ANKS1B: variants seen among roughly 807,000 people sequenced by gnomAD.
ANKS1B encodes ankyrin repeat and sterile alpha motif domain-containing protein 1B.
ANKS1B carries 36 observed loss-of-function variants against 148.3 expected under a neutral mutation model. The observed-to-expected ratio is 0.24, with a 90% CI of 0.19 to 0.32. The LOEUF is 0.32. Ranked by LOEUF, ANKS1B falls within the 10% of genes least tolerant of loss-of-function variation. The pLI is 1.00. For missense variants in ANKS1B, 1,157 were observed against 1,542.6 expected, an observed-to-expected ratio of 0.75 and a Z score of 4.19; for synonymous variants, 542 against 560.8, an observed-to-expected ratio of 0.97 and a Z score of 0.47.
intron 10 of ANKS1B, among the ~76,000 whole-genome samples, chr12:99,474,635 A>T (rs1290099991): frequency 6.6e-6 from 1 of 152,088 alleles, no homozygotes; most frequent in Non-Finnish European, 1.5e-5. Flanking sequence ...AAATATTAAA[A>T]TATATAAGGT....
intron 17 of ANKS1B, among the ~76,000 whole-genome samples, chr12:98,834,883 G>T (rs962468901): frequency 6.6e-6 from 1 of 151,972 alleles, no homozygotes; most frequent in East Asian, 1.9e-4. Context: ...CCTTTTCAAA[G>T]GTATTTTGCA....
intron 15 of ANKS1B, among the ~76,000 whole-genome samples, chr12:99,125,063 A>G (rs576767479): frequency 6.6e-6 from 1 of 152,262 alleles, no homozygotes; most frequent in African/African-American, 2.4e-5. Flanking sequence ...ACTGGGGGTA[A>G]TGTAGGGTAA....
At chr12:99,026,990 T>C (rs1227038660) in intron 17 of ANKS1B, among the ~76,000 whole-genome samples, 5 of 152,180 alleles carry the variant, frequency 3.3e-5, no homozygotes, top group African/African-American at 4.8e-5. Flanking sequence ...AAAGTCCTTT[T>C]TGTAATGTGA....
chr12:99,623,630 T>C (rs572554570), intron 9 of ANKS1B, among the ~76,000 whole-genome samples: 6 of 151,920 alleles, frequency 3.9e-5, no homozygotes, highest in Non-Finnish European at 8.9e-5. Context: ...CTGAGAGCCA[T>C]ATCAAGAATG....
intron 9 of ANKS1B, among the ~76,000 whole-genome samples, chr12:99,637,572 A>T (rs918865582): frequency 6.6e-6 from 1 of 152,140 alleles, no homozygotes; most frequent in Admixed American, 6.5e-5. Flanking sequence ...CTGCCAGTGC[A>T]GCTAGGATAA....
chr12:99,647,044 A>C (rs139422630), intron 9 of ANKS1B, among the ~76,000 whole-genome samples: 1 of 152,152 alleles, frequency 6.6e-6, no homozygotes, highest in African/African-American at 2.4e-5. Flanking sequence ...AACAGAAATA[A>C]ATTTCCTAAT....
At chr12:99,636,634 G>T (rs1301165132) in intron 9 of ANKS1B, among the ~76,000 whole-genome samples, 1 of 152,074 alleles carries the variant, frequency 6.6e-6, no homozygotes, top group Admixed American at 6.5e-5. Context: ...AATATGAAAA[G>T]GACACTTGTT....
chr12:99,132,072 C>T (rs927398376), intron 15 of ANKS1B, among the ~76,000 whole-genome samples: 1 of 152,210 alleles, frequency 6.6e-6, no homozygotes, highest in Non-Finnish European at 1.5e-5. Flanking sequence ...CAAGACTCCC[C>T]CTCCTTCCAG....
chr12:98,899,463 G>T (rs142696848), intron 17 of ANKS1B, among the ~76,000 whole-genome samples: 2,830 of 152,262 alleles, frequency 0.019, 69 homozygotes, highest in Admixed American at 0.077. Context: ...TTTTGTAGAT[G>T]CAATTAAAGT....
chr12:99,038,424 C>T (rs566457552), intron 17 of ANKS1B, among the ~76,000 whole-genome samples: 1 of 152,254 alleles, frequency 6.6e-6, no homozygotes. Flanking sequence ...TTCACCACAC[C>T]ACTTTAGTAC....
intron 14 of ANKS1B, among the ~76,000 whole-genome samples, chr12:99,179,546 T>C (rs2078866486): frequency 6.6e-6 from 1 of 152,172 alleles, no homozygotes; most frequent in Non-Finnish European, 1.5e-5. Flanking sequence ...TGCATTCTCT[T>C]TCCTGCCATC....
chr12:99,795,801 C>A (rs939198200), intron 4 of ANKS1B, among the ~76,000 whole-genome samples: 61 of 152,096 alleles, frequency 4.0e-4, no homozygotes, highest in Non-Finnish European at 5.4e-4. Flanking sequence ...TCATGTCTTC[C>A]ATCCACAAAT....
chr12:98,969,699 A>T (rs1180158540), intron 17 of ANKS1B, among the ~76,000 whole-genome samples: 1 of 152,178 alleles, frequency 6.6e-6, no homozygotes, highest in Non-Finnish European at 1.5e-5. Context: ...GCTGTAAATT[A>T]GCTGCTAATT....
chr12:99,515,236 C>T (rs1197149194), intron 9 of ANKS1B, among the ~76,000 whole-genome samples: 1 of 151,938 alleles, frequency 6.6e-6, no homozygotes, highest in East Asian at 1.9e-4. Flanking sequence ...CTATAGCGCC[C>T]CTGTTGTGAT....
rs530751877 is a variant in ANKS1B, at chr12:99,835,435, TA to T, written c.135-10047del. 8.2e-3 allele frequency among the ~76,000 whole-genome samples: 1,104 copies of T among 134,476 alleles called. 11 individuals carry two copies. The highest frequency in any genetic ancestry group is 0.029 in the African/African-American group (1,040 of 36,454). The allele number at this position is 134,476 out of a possible 152,430, so 88.2% of individuals were successfully genotyped here. On this transcript the variant is annotated intron_variant, in intron 1 of 26. Coordinates refer to ENST00000683438, the MANE Select transcript of ANKS1B (RefSeq NM_001352186.2). ...CAGAGCAAGACCCAGTCTCAAAAAA[TA>T]AAAAGAAAAAAATATATAATGTGAG...
chr12:99,123,290 G>C (rs2372730), intron 15 of ANKS1B, among the ~76,000 whole-genome samples: 90,551 of 151,756 alleles, frequency 0.6, 27,430 homozygotes, highest in East Asian at 0.84. Context: ...CAGAGATTTC[G>C]ATGAATTGAA....
intron 12 of ANKS1B, among the ~76,000 whole-genome samples, chr12:99,295,969 G>A (rs970150410): frequency 7.2e-5 from 11 of 152,086 alleles, no homozygotes; most frequent in Non-Finnish European, 1.3e-4. Context: ...CAATTTTAGA[G>A]TTTTCGGCTT....
At chr12:99,832,818 A>G (rs2084255437) in intron 1 of ANKS1B, among the ~76,000 whole-genome samples, 1 of 152,182 alleles carries the variant, frequency 6.6e-6, no homozygotes. Context: ...AGAATGGGGC[A>G]AAAAAGGAAA....
Position 99,660,163 on chromosome 12 carries a change from T to A in ANKS1B, c.1129-4953A>T, listed in dbSNP as rs1320113333. Among the ~76,000 whole-genome samples, 3 of 152,310 alleles carry A rather than the reference T, an allele frequency of 2.0e-5. No homozygotes were observed. The East Asian group carries it at 5.8e-4, about 29-fold the overall frequency. On this transcript the variant is annotated intron_variant, in intron 8 of 26. Transcript: ENST00000683438. Reference sequence around the variant, plus strand: ...GAAATTTAAAGTAATACATGCTTATTGTAAAACAAATCATTCATAATGAAA... The same window carrying A: ...GAAATTTAAAGTAATACATGCTTATAGTAAAACAAATCATTCATAATGAAA...
Sources: allele counts gnomAD v4.1 joint callset (sites outside exome capture counted in the v4.1 genomes callset), GRCh38; gene constraint gnomAD v4.1.1; transcripts MANE v1.5; gene names NCBI Gene and HGNC (gene_info 2026-07-23, HGNC 2026-07-21).